NEDD4L: variants seen among roughly 807,000 people sequenced by gnomAD.
NEDD4L encodes NEDD4 like E3 ubiquitin protein ligase.
In NEDD4L, 54 loss-of-function variants were observed where a neutral mutation model predicts 148.9. The observed-to-expected ratio is 0.36, with a 90% CI of 0.29 to 0.45. The LOEUF is 0.45. Ranked by LOEUF, NEDD4L falls within the 20% of genes least tolerant of loss-of-function variation. The probability of loss-of-function intolerance (pLI) is 1.00; values close to 1 mark genes in which losing one functional copy is unlikely to be tolerated. For synonymous variants in NEDD4L, 433 were observed against 440.7 expected, an observed-to-expected ratio of 0.98 and a Z score of 0.22; for missense variants, 856 against 1,233.8, an observed-to-expected ratio of 0.69 and a Z score of 4.59.
intron 5 of NEDD4L, chr18:58,255,933 AGGCCACGGACGG>A (rs1420835872): frequency 7.5e-5 from 92 of 1,231,334 alleles, no homozygotes; most frequent in Non-Finnish European, 8.6e-5. Context: ...CTGCAGCGCA[AGGCCACGGACGG>A]GGCCACGGAC....
chr18:58,156,275 G>A (rs1470574023), intron 1 of NEDD4L, among the ~76,000 whole-genome samples: 1 of 152,132 alleles, frequency 6.6e-6, no homozygotes, highest in Non-Finnish European at 1.5e-5. Context: ...TGGGACTTCG[G>A]ATACCCCCTT....
At chr18:58,111,256 C>G (rs1318752371) in intron 1 of NEDD4L, among the ~76,000 whole-genome samples, 1 of 152,126 alleles carries the variant, frequency 6.6e-6, no homozygotes, top group African/African-American at 2.4e-5. Flanking sequence ...TTAGTAGAGA[C>G]AGGGTTTCAT....
intron 5 of NEDD4L, among the ~76,000 whole-genome samples, chr18:58,307,012 T>C (rs2149317222): frequency 6.6e-6 from 1 of 152,348 alleles, no homozygotes; most frequent in Middle Eastern, 3.4e-3. Context: ...CTTGCAATCC[T>C]GAGTTTCTCC....
chr18:58,370,917 C>T (rs781271483), intron 23 of NEDD4L, among the ~76,000 whole-genome samples: 16 of 152,174 alleles, frequency 1.1e-4, no homozygotes, highest in African/African-American at 1.7e-4. Context: ...GGATGAGTGA[C>T]GCCACAGCTC....
At chr18:58,192,264 C>G (rs1188914107) in intron 2 of NEDD4L, among the ~76,000 whole-genome samples, 2 of 152,196 alleles carry the variant, frequency 1.3e-5, no homozygotes, top group Non-Finnish European at 1.5e-5. Context: ...TGACAAGGAG[C>G]TGTCATCTTA....
At chr18:58,245,674 CTTTT>C (rs57282316) in intron 3 of NEDD4L, among the ~76,000 whole-genome samples, 166 bp downstream of exon 3, 920 of 89,228 alleles carry the variant, frequency 0.01, 6 homozygotes, top group African/African-American at 0.038. Context: ...CACTTTTTCT[CTTTT>C]TTTTTTTTTT....
chr18:58,089,001 C>G (rs2083911322), intron 1 of NEDD4L, among the ~76,000 whole-genome samples: 1 of 152,112 alleles, frequency 6.6e-6, no homozygotes, highest in African/African-American at 2.4e-5. Context: ...CCCCACTCGC[C>G]TACAGCTTCC....
At chr18:58,254,353 G>A (rs2048257347) in intron 5 of NEDD4L, among the ~76,000 whole-genome samples, 1 of 151,954 alleles carries the variant, frequency 6.6e-6, no homozygotes, top group Admixed American at 6.6e-5. Flanking sequence ...TTAAAATACA[G>A]AATATTTCCA....
chr18:58,082,987 G>T lies in NEDD4L; in HGVS notation c.48+38279G>T, dbSNP rs1273742214. 3.3e-5 allele frequency among the ~76,000 whole-genome samples: 5 copies of T among 152,016 alleles called. No homozygotes were observed. The East Asian group carries it at 9.6e-4, about 29-fold the overall frequency. On this transcript the variant is annotated intron_variant, in intron 1 of 30. Coordinates refer to ENST00000400345, the MANE Select transcript of NEDD4L (RefSeq NM_001144967.3). ...TAAATGTCCCTTCCTATCAGTTTCTGTTAATCAGTCAAAAGCGTATACATT... is the reference window on the plus strand; with the variant it reads ...TAAATGTCCCTTCCTATCAGTTTCTTTTAATCAGTCAAAAGCGTATACATT...
At chr18:58,287,120 G>A (rs1489335300) in intron 5 of NEDD4L, among the ~76,000 whole-genome samples, 1 of 149,222 alleles carries the variant, frequency 6.7e-6, no homozygotes, top group African/African-American at 2.5e-5. Flanking sequence ...TTTTTTTCTG[G>A]GCTGTTAGAA....
At chr18:58,268,204 A>G (rs1214846989) in intron 5 of NEDD4L, among the ~76,000 whole-genome samples, 1 of 152,098 alleles carries the variant, frequency 6.6e-6, no homozygotes, top group African/African-American at 2.4e-5. Flanking sequence ...ATGGTGGTCA[A>G]TCAGGTTATG....
At chr18:58,309,146 C>T (rs2057381409) in intron 5 of NEDD4L, among the ~76,000 whole-genome samples, 1 of 152,174 alleles carries the variant, frequency 6.6e-6, no homozygotes, top group Admixed American at 6.5e-5. Flanking sequence ...GAGAGCAAGC[C>T]ATATGGGACC....
chr18:58,177,556 C>G (rs2038324338), intron 2 of NEDD4L, among the ~76,000 whole-genome samples: 1 of 152,200 alleles, frequency 6.6e-6, no homozygotes, highest in African/African-American at 2.4e-5. Flanking sequence ...GTAGACAGGA[C>G]TGGCTCTCCA....
intron 2 of NEDD4L, chr18:58,195,558 C>T: frequency 7.5e-7 from 1 of 1,339,242 alleles, no homozygotes; most frequent in Non-Finnish European, 9.8e-7. Flanking sequence ...CCACGCGGTG[C>T]CTCCCCAGCA....
intron 2 of NEDD4L, among the ~76,000 whole-genome samples, chr18:58,196,508 G>T (rs748607032): frequency 9.2e-5 from 14 of 152,092 alleles, no homozygotes; most frequent in Non-Finnish European, 1.6e-4. Flanking sequence ...GTCTTTTACT[G>T]CATTCTTCAG....
In NEDD4L at chr18:58,366,090, A is replaced by G; in HGVS notation, c.1925A>G (p.Asp642Gly). 6.2e-7 allele frequency: 1 copy of G among 1,613,672 alleles called. No homozygotes were observed. The highest frequency in any genetic ancestry group is 1.3e-5 in the African/African-American group (1 of 75,046). ...YRRIMSVKRP[D>G]VLKARLWIEF... ...AGAATTATGTCCGTGAAAAGACCAG[A>G]TGTCCTAAAAGCTAGACTGTGGATT... is the stretch of plus-strand genomic sequence containing the variant. Residue 642 changes from aspartate (D) to glycine (G), a missense_variant, in exon 21 of 31, where the codon GAT becomes GGT. By Grantham distance (94) the Asp-to-Gly change is moderately conservative (BLOSUM62 -1). Transcript: ENST00000400345. The surrounding 1 kb of genome is among the most constrained non-coding windows in gnomAD (Gnocchi z 4.2).
At chr18:58,370,048 C>G (rs920134519) in intron 22 of NEDD4L, among the ~76,000 whole-genome samples, 29 of 152,214 alleles carry the variant, frequency 1.9e-4, no homozygotes, top group African/African-American at 6.8e-4. Flanking sequence ...CCCTGGCAAA[C>G]GGCTGGCAAG....
intron 1 of NEDD4L, among the ~76,000 whole-genome samples, chr18:58,051,221 G>A (rs567637120): frequency 6.6e-6 from 1 of 152,276 alleles, no homozygotes. Context: ...TCATGCCACT[G>A]CACTCCAGCC....
At chr18:58,150,874 C>G (rs2034640078) in intron 1 of NEDD4L, among the ~76,000 whole-genome samples, 1 of 152,002 alleles carries the variant, frequency 6.6e-6, no homozygotes, top group Non-Finnish European at 1.5e-5. Context: ...CGGGTCGTAC[C>G]ATGACCCCCT....
Sources: gnomAD v4.1 joint callset for allele counts (sites outside exome capture counted in the v4.1 genomes callset) on GRCh38, gnomAD v4.1.1 for gene constraint, Gnocchi (gnomAD v3.1) non-coding constraint, MANE v1.5 for transcripts, NCBI Gene and HGNC (gene_info 2026-07-23, HGNC 2026-07-21) for gene names.